The following PES1 variants were observed in gnomAD, a reference collection of about 807,000 sequenced individuals.
PES1 encodes pescadillo homolog.
In PES1, 31 loss-of-function variants were observed where a neutral mutation model predicts 77.1. The ratio of observed to expected loss-of-function variants is 0.40; its 90% confidence interval spans 0.30 to 0.54. The LOEUF is 0.54. PES1 is among the 20% of genes least tolerant of loss of function. The probability of loss-of-function intolerance (pLI) is 0.45; values close to 1 mark genes in which losing one functional copy is unlikely to be tolerated. For synonymous variants in PES1, 282 were observed against 303.0 expected (o/e 0.93, Z 0.72); for missense variants, 658 against 771.7 (o/e 0.85, Z 1.75).
intron 1 of PES1, 65 bp downstream of exon 1, chr22:30,591,745 C>T (rs2087180063): frequency 6.6e-7 from 1 of 1,519,752 alleles, no homozygotes. Context: ...GGAAAAGAGT[C>T]GACCCCATGC....
chr22:30,604,507 C>A (rs1271485007), intron 2 of PES1, among the ~76,000 whole-genome samples: 1 of 152,028 alleles, frequency 6.6e-6, no homozygotes, highest in East Asian at 1.9e-4. Flanking sequence ...GTGGCGCATG[C>A]CTGTGATGTC....
intron 4 of PES1, chr22:30,585,148 G>T: frequency 2.4e-6 from 1 of 416,092 alleles, no homozygotes. Flanking sequence ...CGGGGTGGGG[G>T]CTGCTTCCCC....
In PES1 at chr22:30,591,823, A is replaced by G. The variant is rs1934879829; in HGVS notation, c.11T>C (p.Leu4Pro). ...TTTCCCAATCACCTTCTTCTTCTCA[A>G]GGCCTCCCATCGCTCCACGTTGAGG... is the stretch of plus-strand genomic sequence containing the variant. MGG[L>P]EKKKYERGSA... Residue 4 changes from leucine (L) to proline (P), a missense_variant, in exon 1 of 15, where the codon CTT (leucine) becomes CCT (proline). Leu to Pro is a moderately conservative substitution (Grantham distance 98). Coordinates refer to ENST00000354694, the MANE Select transcript of PES1 (RefSeq NM_014303.4). 1 of 1,564,630 alleles carries G rather than the reference A, an allele frequency of 6.4e-7. No homozygotes were observed. Among genetic ancestry groups the G allele is most frequent in the Non-Finnish European group, 8.7e-7 (1 of 1,155,436 alleles).
At chr22:30,581,481 C>T in intron 7 of PES1, 47 bp downstream of exon 7, 1 of 1,604,948 alleles carries the variant, frequency 6.2e-7, no homozygotes, top group East Asian at 2.2e-5. Context: ...CAGAGAAGGG[C>T]TGTGGCCCCT....
intron 4 of PES1, among the ~76,000 whole-genome samples, chr22:30,584,925 G>A (rs2087053330): frequency 6.6e-6 from 1 of 152,148 alleles, no homozygotes; most frequent in African/African-American, 2.4e-5. Context: ...AGGCTCTGAG[G>A]ACCAGAGAAG....
chr22:30,596,783 G>A (rs1030384499), upstream of PES1, among the ~76,000 whole-genome samples: 9 of 152,204 alleles, frequency 5.9e-5, no homozygotes, highest in African/African-American at 1.9e-4. Context: ...CTTCAGCCCC[G>A]CTGCTGCACC....
At chr22:30,598,358 C>G (rs573299811) in intron 2 of PES1, 330 of 155,574 alleles carry the variant, frequency 2.1e-3, no homozygotes, top group Admixed American at 3.3e-3. Flanking sequence ...CAGCTTCATT[C>G]TTGAAGTCAG....
rs981738829 is a variant in PES1 at position 30,579,279 on chromosome 22, T to G, written c.1379A>C (p.Glu460Ala). 1.9e-6 allele frequency: 3 copies of G among 1,600,996 alleles called. No homozygotes were observed. In the African/African-American group the frequency reaches 4.0e-5, roughly 21 times the overall value. The change falls in exon 13 of 15, where the codon GAG becomes GCG. Residue 460 changes from glutamate to alanine, a missense_variant. Glu to Ala is a moderately radical substitution (Grantham distance 107). Coordinates refer to ENST00000354694, the MANE Select transcript of PES1 (RefSeq NM_014303.4). Reference sequence around the variant, plus strand: ...TTCGTTGTTGTCGTCCTCTTCCTCCTCCTCTTCTGACTCATTCAGGTTTCC... The same window carrying G: ...TTCGTTGTTGTCGTCCTCTTCCTCCGCCTCTTCTGACTCATTCAGGTTTCC... Reference protein sequence around the residue: ...DPGNLNESEEEEEEDDNNEGD... With the variant: ...DPGNLNESEEAEEEDDNNEGD...
intron 2 of PES1, among the ~76,000 whole-genome samples, chr22:30,602,911 T>TTGTG (rs61098443): frequency 0.03 from 4,497 of 150,878 alleles, 88 homozygotes; most frequent in African/African-American, 0.05. Context: ...TGAAAGCAAT[T>TTGTG]TGTGTGTGTG....
chr22:30,591,912 C>T, upstream of PES1: 5 of 1,504,374 alleles, frequency 3.3e-6, no homozygotes, highest in Non-Finnish European at 4.4e-6. Context: ...GCCAAGGACC[C>T]CGAGGACCCT....
In PES1 at chr22:30,606,996, G is replaced by C. The variant is rs573656768; in HGVS notation, c.-905C>G. On this transcript the variant is annotated 5_prime_UTR_variant, in exon 1 of 17. Coordinates refer to the PES1 transcript ENST00000402281. ...ACAGATCAGGCATCAGGCCCTCTGC[G>C]CTGGTCCCGGGCTCTTTAAGCAGGA... is the stretch of plus-strand genomic sequence containing the variant. The C allele has an allele frequency of 9.3e-6, 6 of 642,012 alleles. No individual in the cohort carries two copies. The South Asian group carries it at 1.3e-4, about 14-fold the overall frequency. The allele number at this position is 642,012 out of a possible 1,614,324, so 39.8% of individuals were successfully genotyped here.
chr22:30,594,457 T>C (rs1181811090), upstream of PES1, among the ~76,000 whole-genome samples: 1 of 151,852 alleles, frequency 6.6e-6, no homozygotes, highest in African/African-American at 2.4e-5. Context: ...GAGGCAGAGG[T>C]TGCAATGAGC....
chr22:30,589,062 G>A, intron 2 of PES1, 129 bp downstream of exon 2: 1 of 648,524 alleles, frequency 1.5e-6, no homozygotes, highest in East Asian at 2.8e-5. Context: ...ACTAAAGCAA[G>A]GGCGGTGAGA....
chr22:30,591,876 G>A lies in PES1; in HGVS notation c.-43C>T. 1.3e-6 allele frequency: 2 copies of A among 1,536,830 alleles called. No homozygotes were observed. The highest frequency in any genetic ancestry group is 1.4e-5 in the African/African-American group (1 of 72,742). On this transcript the variant is annotated 5_prime_UTR_variant, in exon 1 of 15. Coordinates refer to ENST00000354694, the MANE Select transcript of PES1 (RefSeq NM_014303.4). ...CCGACTAGGGCCGCGCGTACAGGGA[G>A]CTCCACTTCCTCCCGCACGTGCCCT...
At chr22:30,589,168 T>A in intron 2 of PES1, 23 bp downstream of exon 2, 1 of 1,596,816 alleles carries the variant, frequency 6.3e-7, no homozygotes, top group South Asian at 1.1e-5. Flanking sequence ...TGCCCGGGCT[T>A]CCCACGGTCC....
chr22:30,596,679 T>C (rs1028378685), upstream of PES1, among the ~76,000 whole-genome samples: 19 of 152,228 alleles, frequency 1.2e-4, no homozygotes, highest in Admixed American at 3.3e-4. Flanking sequence ...TCTGTAGTAC[T>C]GAGAGATGAT....
In PES1 at chr22:30,580,551, G is replaced by C. The variant is rs751989195; in HGVS notation, c.1043+20C>G. ...GCATGGCCGAACCAATGCTGTCAGC[G>C]GGCCCTTGAGCCTCCCTACCTGATG... On this transcript the variant is annotated intron_variant, in intron 10 of 14. Coordinates refer to ENST00000354694, the MANE Select transcript of PES1 (RefSeq NM_014303.4). 1 of 1,613,254 alleles carries C rather than the reference G, an allele frequency of 6.2e-7. No homozygotes were observed. Among genetic ancestry groups the C allele is most frequent in the Admixed American group, 1.7e-5 (1 of 59,998 alleles).
chr22:30,599,008 C>T (rs1238639778), intron 2 of PES1, among the ~76,000 whole-genome samples: 1 of 145,350 alleles, frequency 6.9e-6, no homozygotes, highest in Non-Finnish European at 1.5e-5. Flanking sequence ...AGCGATTCTC[C>T]TATCTCAGCC....
At chr22:30,596,823 C>T (rs915625014), upstream of PES1, among the ~76,000 whole-genome samples, 1 of 152,216 alleles carries the variant, frequency 6.6e-6, no homozygotes, top group Non-Finnish European at 1.5e-5. Flanking sequence ...CTGGCTGAGG[C>T]CGGAGCCGGC....
Sources: gnomAD v4.1 joint callset for allele counts (sites outside exome capture counted in the v4.1 genomes callset) on GRCh38, gnomAD v4.1.1 for gene constraint, MANE v1.5 for transcripts, NCBI Gene and HGNC (gene_info 2026-07-23, HGNC 2026-07-21) for gene names.